Variants in ZBTB21 observed in about 807,000 individuals in gnomAD.
ZBTB21 encodes zinc finger and BTB domain containing 21.
ZBTB21 carries 10 observed loss-of-function variants against 39.8 expected under a neutral mutation model. That is an observed-to-expected ratio of 0.25 (90% CI 0.16 to 0.43). The LOEUF (loss-of-function observed/expected upper bound fraction) is 0.43. ZBTB21 is among the 20% of genes least tolerant of loss of function. ZBTB21 has a pLI of 1.00. For missense variants in ZBTB21, 1,221 were observed against 1,296.3 expected (o/e 0.94, Z 0.89); for synonymous variants, 551 against 498.8 (o/e 1.10, Z -1.40).
rs188468578 is a variant in ZBTB21 at position 41,987,375 on chromosome 21, A to C, written c.*3520T>G. On this transcript the variant is annotated 3_prime_UTR_variant, in exon 3 of 3. Coordinates refer to ENST00000310826, the MANE Select transcript of ZBTB21 (RefSeq NM_001098402.2). ...CAAGCTGGAGTACCCGCTGAGATAC[A>C]CTGAAAGAGCATATTAAAAATTACA... is the stretch of plus-strand genomic sequence containing the variant. The C allele has an allele frequency of 3.9e-5, 6 of 152,356 alleles. No individual in the cohort carries two copies. The highest frequency in any genetic ancestry group is 7.4e-5 in the Non-Finnish European group (5 of 68,024). The allele number at this position is 152,356 out of a possible 1,614,324, so 9.4% of individuals were successfully genotyped here. A position where few individuals can be genotyped will look rare whatever the true frequency, so the allele number is the denominator to read the frequency against.
chr21:41,993,342 T>C lies in ZBTB21; in HGVS notation c.754A>G (p.Met252Val), dbSNP rs201645576. The change falls in exon 3 of 3, where the codon ATG (methionine) becomes GTG (valine). Residue 252 changes from methionine (M) to valine (V), a missense_variant. Coordinates refer to ENST00000310826, the MANE Select transcript of ZBTB21 (RefSeq NM_001098402.2). ...PSKPLQDREA[M>V]DDKPGVSGQL... ...CCACTCACACCTGGTTTATCATCCA[T>C]AGCTTCTCTGTCTTGCAGAGGCTTT... is the stretch of plus-strand genomic sequence containing the variant. 11 of 1,613,760 alleles carry C rather than the reference T, an allele frequency of 6.8e-6. No homozygotes were observed. The highest frequency in any genetic ancestry group is 4.5e-5 in the East Asian group (2 of 44,904).
chr21:42,004,216 T>A (rs2065851457), intron 1 of ZBTB21, among the ~76,000 whole-genome samples: 1 of 152,116 alleles, frequency 6.6e-6, no homozygotes, highest in Non-Finnish European at 1.5e-5. Flanking sequence ...GTCAGGCCGG[T>A]CTCGAACTCC....
Position 41,991,195 on chromosome 21 carries a change from C to CGAT in ZBTB21, c.2898_2900dup (p.Ser967dup). On this transcript the variant is annotated inframe_insertion, in exon 3 of 3. Coordinates refer to ENST00000310826, the MANE Select transcript of ZBTB21 (RefSeq NM_001098402.2). This position sits in a 1 kb window ranked among gnomAD's most constrained non-coding sequence, Gnocchi z 4.9. The stretch of plus-strand genomic sequence containing the variant: ...GGCACACCTCAGATTCCTTATGTGC[C>CGAT]GATTCCTCTGAAGCCTGAGACATGT... 6.2e-7 allele frequency: 1 copy of CGAT among 1,614,046 alleles called. No homozygotes were observed. The highest frequency in any genetic ancestry group is 8.5e-7 in the Non-Finnish European group (1 of 1,180,006).
rs1175013093 is a variant in ZBTB21, at chr21:41,986,896, T to A, written c.*3999A>T. The A allele has an allele frequency of 2.0e-5, 3 of 152,612 alleles. No homozygotes were observed. The highest frequency in any genetic ancestry group is 4.4e-5 in the Non-Finnish European group (3 of 68,032). 9.5% of individuals were successfully genotyped at this position (152,612 alleles called of 1,614,324 possible). A position where few individuals can be genotyped will look rare whatever the true frequency, so the allele number is the denominator to read the frequency against. The stretch of plus-strand genomic sequence containing the variant: ...TCTTAGTCAACATTTAAGCAAACTG[T>A]AGACAATGGAATTGAATACAAATAA... On this transcript the variant is annotated 3_prime_UTR_variant, in exon 3 of 3. Coordinates refer to ENST00000310826, the MANE Select transcript of ZBTB21 (RefSeq NM_001098402.2).
Position 41,989,716 on chromosome 21 carries a change from G to A in ZBTB21, c.*1179C>T, listed in dbSNP as rs760786344. ...AATATTAAGCAATGATGTAGAGAAT[G>A]GCCTTGCCCATGATTTTAACCATCA... On this transcript the variant is annotated 3_prime_UTR_variant, in exon 3 of 3. Coordinates refer to ENST00000310826, the MANE Select transcript of ZBTB21 (RefSeq NM_001098402.2). 1 of 152,134 alleles carries A rather than the reference G, an allele frequency of 6.6e-6. No individual in the cohort carries two copies. Among genetic ancestry groups the A allele is most frequent in the East Asian group, 1.9e-4 (1 of 5,206 alleles). 9.4% of individuals were successfully genotyped at this position (152,134 alleles called of 1,614,324 possible). A position where few individuals can be genotyped will look rare whatever the true frequency, so the allele number is the denominator to read the frequency against.
Position 41,993,007 on chromosome 21 carries a change from C to A in ZBTB21, c.1089G>T (p.Gln363His), listed in dbSNP as rs748317140. The A allele has an allele frequency of 4.3e-6, 7 of 1,614,040 alleles. No homozygotes were observed. The highest frequency in any genetic ancestry group is 5.9e-6 in the Non-Finnish European group (7 of 1,180,032). The change falls in exon 3 of 3, where the codon CAG becomes CAT. Residue 363 changes from glutamine to histidine, a missense_variant. Around this residue, in one of 4 missense-constraint regions of ZBTB21, gnomAD observed 500 missense variants for 465.6 expected, o/e 1.07. Coordinates refer to ENST00000310826, the MANE Select transcript of ZBTB21 (RefSeq NM_001098402.2). The part of the protein sequence containing the change: ...YSPSIDLKSS[Q>H]GSSSVSSDAP... ...CATCACTGGACACCGAAGATGATCCCTGGGAAGATTTCAAATCTATGGAAG... is the reference window on the plus strand; with the variant it reads ...CATCACTGGACACCGAAGATGATCCATGGGAAGATTTCAAATCTATGGAAG...
intron 2 of ZBTB21, among the ~76,000 whole-genome samples, chr21:41,995,254 G>A (rs192500820): frequency 1.1e-4 from 16 of 152,350 alleles, no homozygotes; most frequent in African/African-American, 3.8e-4. Context: ...GGAAACTTTG[G>A]AACTCCCTAG....
Position 41,990,714 on chromosome 21 carries a change from G to GT in ZBTB21, c.*180dup. On this transcript the variant is annotated 3_prime_UTR_variant, in exon 3 of 3. Transcript: ENST00000310826. ...CCAGAACCACAATATTTTAAAAGCT[G>GT]TATTTCTAAAGTTAAGGACATTACT... 1 of 517,096 alleles carries GT rather than the reference G, an allele frequency of 1.9e-6. No homozygotes were observed. 32.0% of individuals were successfully genotyped at this position (517,096 alleles called of 1,614,324 possible).
chr21:41,990,589 AATG>A lies in ZBTB21; in HGVS notation c.*303_*305del, dbSNP rs2065636383. The stretch of plus-strand genomic sequence containing the variant: ...AATAAAAAACCAAAAACCTCAATTA[AATG>A]ATTATACTGACACCATGGAATGAGG... On this transcript the variant is annotated 3_prime_UTR_variant, in exon 3 of 3. Transcript: ENST00000310826. 1.0e-5 allele frequency: 2 copies of A among 193,922 alleles called. No individual in the cohort carries two copies. The highest frequency in any genetic ancestry group is 2.3e-5 in the African/African-American group (1 of 43,236). The allele number at this position is 193,922 out of a possible 1,614,324, so 12.0% of individuals were successfully genotyped here. A position where few individuals can be genotyped will look rare whatever the true frequency, so the allele number is the denominator to read the frequency against.
In ZBTB21 at chr21:42,000,364, G is replaced by A. The variant is rs114593329; in HGVS notation, c.-14+2533C>T. On this transcript the variant is annotated intron_variant, in intron 2 of 2. Coordinates refer to ENST00000310826, the MANE Select transcript of ZBTB21 (RefSeq NM_001098402.2). ...TCCTGGGATCAGTTCCCAAATAAAC[G>A]TCTACCTCTGAATCCTTGTCTTGGG... Among the ~76,000 whole-genome samples the A allele has an allele frequency of 2.8e-3, 428 of 152,114 alleles. 3 individuals carry two copies. Among genetic ancestry groups the A allele is most frequent in the African/African-American group, 8.9e-3 (368 of 41,488 alleles).
intron 2 of ZBTB21, among the ~76,000 whole-genome samples, chr21:41,995,610 A>G (rs1195410270): frequency 1.3e-5 from 2 of 152,224 alleles, no homozygotes; most frequent in African/African-American, 4.8e-5. Context: ...AGAAAATCCC[A>G]TTTTCTGAGA....
chr21:42,001,829 G>C (rs986493895), intron 2 of ZBTB21, among the ~76,000 whole-genome samples: 1 of 152,162 alleles, frequency 6.6e-6, no homozygotes, highest in Non-Finnish European at 1.5e-5. Flanking sequence ...CTACAGATGA[G>C]AAAACCGAGG....
At chr21:42,002,736 G>A (rs969574279) in intron 2 of ZBTB21, among the ~76,000 whole-genome samples, 161 bp downstream of exon 2, 1 of 152,150 alleles carries the variant, frequency 6.6e-6, no homozygotes, top group East Asian at 1.9e-4. Context: ...GACTCATCAC[G>A]GCAGAACTTC....
intron 1 of ZBTB21, among the ~76,000 whole-genome samples, chr21:42,006,462 T>C (rs2065880149): frequency 6.6e-6 from 1 of 151,952 alleles, no homozygotes; most frequent in Non-Finnish European, 1.5e-5. Flanking sequence ...TTCTTTCCCT[T>C]AGTTATTCCC....
At position 41,992,096 on chromosome 21, in the gene ZBTB21, T is replaced by C. The variant is rs753575876; in HGVS notation, c.2000A>G (p.Lys667Arg). Residue 667 changes from lysine (K) to arginine (R), a missense_variant, in exon 3 of 3, where the codon AAA (lysine) becomes AGA (arginine). By Grantham distance (26) the Lys-to-Arg change is conservative. Around this residue, in one of 4 missense-constraint regions of ZBTB21, gnomAD observed 523 missense variants for 542.5 expected, o/e 0.96. Transcript: ENST00000310826. The surrounding 1 kb of genome is among the most constrained non-coding windows in gnomAD (Gnocchi z 4.1). ...GCAGTAAGTACAAATGTAAGCTCCT[T>C]TGGCTCGAGATCTCAAGTTCCTCTT... Reference protein sequence around the residue: ...VIKRNLRSRAKGAYICTYCGK... With the variant: ...VIKRNLRSRARGAYICTYCGK... 6.2e-7 allele frequency: 1 copy of C among 1,614,134 alleles called. No homozygotes were observed. The highest frequency in any genetic ancestry group is 1.3e-5 in the African/African-American group (1 of 75,024).
intron 1 of ZBTB21, among the ~76,000 whole-genome samples, chr21:42,006,867 C>T (rs1037979241): frequency 2.6e-5 from 4 of 152,112 alleles, no homozygotes; most frequent in African/African-American, 9.7e-5. Context: ...AGAGGAAGGA[C>T]CAAGTAGGGA....
rs1442615054 is a variant in ZBTB21 at position 41,991,002 on chromosome 21, G to C, written c.3094C>G (p.Pro1032Ala). The C allele has an allele frequency of 1.3e-6, 2 of 1,561,428 alleles. No homozygotes were observed. The highest frequency in any genetic ancestry group is 1.7e-6 in the Non-Finnish European group (2 of 1,156,056). ...QESDTLFYHA[P>A]PLSAITFKRQ... is the part of the protein sequence containing the mutation. ...TTAAATGTGATTGCTGAAAGGGGTG[G>C]GGCATGGTAAAAAAGGGTGTCTGAT... is the stretch of plus-strand genomic sequence containing the variant. The change falls in exon 3 of 3, where the codon CCA becomes GCA. Residue 1032 changes from proline to alanine, a missense_variant. Physicochemically the swap from Pro to Ala is conservative, Grantham distance 27. Coordinates refer to ENST00000310826, the MANE Select transcript of ZBTB21 (RefSeq NM_001098402.2). The surrounding 1 kb of genome is among the most constrained non-coding windows in gnomAD (Gnocchi z 4.9).
rs2065604408 is a variant in ZBTB21, at chr21:41,988,254, A to T, written c.*2641T>A. ...CTCAGATTAACAAAGAATATATTAA[A>T]ACATTTTACATTCTTTCCACAACTG... On this transcript the variant is annotated 3_prime_UTR_variant, in exon 3 of 3. Coordinates refer to ENST00000310826, the MANE Select transcript of ZBTB21 (RefSeq NM_001098402.2). The T allele has an allele frequency of 6.6e-6, 1 of 152,234 alleles. No homozygotes were observed. Among genetic ancestry groups the T allele is most frequent in the Non-Finnish European group, 1.5e-5 (1 of 68,036 alleles). 9.4% of individuals were successfully genotyped at this position (152,234 alleles called of 1,614,324 possible). A position where few individuals can be genotyped will look rare whatever the true frequency, so the allele number is the denominator to read the frequency against.
chr21:42,009,748 C>A (rs931568610), intron 1 of ZBTB21, among the ~76,000 whole-genome samples: 1 of 151,950 alleles, frequency 6.6e-6, no homozygotes, highest in Admixed American at 6.6e-5. Context: ...GTGAAGGGAG[C>A]GGCGGGTCGC....
Sources: allele counts gnomAD v4.1 joint callset (sites outside exome capture counted in the v4.1 genomes callset), GRCh38; gene constraint gnomAD v4.1.1; regional missense constraint gnomAD v4.1.1; non-coding constraint Gnocchi (gnomAD v3.1); transcripts MANE v1.5; gene names NCBI Gene and HGNC (gene_info 2026-07-23, HGNC 2026-07-21).